Variants in MYLK4 observed in about 807,000 individuals in gnomAD.
MYLK4 encodes myosin light chain kinase family member 4, also known as caMLCK like.
Under a neutral mutation model 48.1 loss-of-function variants are expected in MYLK4, and 46 were observed. The ratio of observed to expected loss-of-function variants is 0.96; its 90% CI spans 0.75 to 1.22. MYLK4 has a LOEUF of 1.22. Among genes scored for constraint, MYLK4 ranks in the 50% most tolerant of loss-of-function variants. MYLK4 has a pLI of 0.00. For missense variants in MYLK4, 451 were observed against 486.1 expected, an observed-to-expected ratio of 0.93 and a Z score of 0.68; for synonymous variants, 170 against 180.8, an observed-to-expected ratio of 0.94 and a Z score of 0.48.
intron 2 of MYLK4, among the ~76,000 whole-genome samples, chr6:2,703,534 C>T (rs1428748662): frequency 6.6e-6 from 1 of 152,042 alleles, no homozygotes; most frequent in Non-Finnish European, 1.5e-5. Context: ...GGGTTGAAGC[C>T]CAAGGACATT....
intron 2 of MYLK4, among the ~76,000 whole-genome samples, chr6:2,728,367 G>A (rs920276264): frequency 6.6e-6 from 1 of 151,900 alleles, no homozygotes; most frequent in Non-Finnish European, 1.5e-5. Context: ...AACCACTTTT[G>A]TGTCTTTTAT....
At chr6:2,700,055 C>T (rs1762229842) in intron 2 of MYLK4, among the ~76,000 whole-genome samples, 1 of 152,172 alleles carries the variant, frequency 6.6e-6, no homozygotes, top group Admixed American at 6.5e-5. Context: ...ATCTTATACC[C>T]ATTGGATGTG....
At chr6:2,681,274 T>C (rs1761289711) in intron 7 of MYLK4, among the ~76,000 whole-genome samples, 1 of 152,142 alleles carries the variant, frequency 6.6e-6, no homozygotes, top group Admixed American at 6.5e-5. Context: ...AGATCAGAAA[T>C]TCAGAAACAC....
chr6:2,762,845 C>T, the MYLK4 span, among the ~76,000 whole-genome samples: 2 of 152,150 alleles, frequency 1.3e-5, no homozygotes, highest in African/African-American at 2.4e-5. Context: ...TTAAGTTAGC[C>T]GTTCCTGCCA....
At chr6:2,719,874 A>C (rs1290144350) in intron 2 of MYLK4, among the ~76,000 whole-genome samples, 1 of 152,234 alleles carries the variant, frequency 6.6e-6, no homozygotes, top group Non-Finnish European at 1.5e-5. Flanking sequence ...GTGGTGGCTC[A>C]CACCTGTAAT....
chr6:2,755,515 T>C (rs1764408823), upstream of MYLK4, among the ~76,000 whole-genome samples: 1 of 152,216 alleles, frequency 6.6e-6, no homozygotes, highest in South Asian at 2.1e-4. Context: ...CTTTTATCTA[T>C]TTAGGAAATG....
chr6:2,683,190 C>T, intron 6 of MYLK4, 28 bp from the exon 7 acceptor site: 1 of 1,613,654 alleles, frequency 6.2e-7, no homozygotes. Context: ...CTGAAACCCT[C>T]AGTCCCGATT....
intron 2 of MYLK4, among the ~76,000 whole-genome samples, chr6:2,714,311 C>T (rs1315883576): frequency 6.6e-6 from 1 of 152,234 alleles, no homozygotes; most frequent in African/African-American, 2.4e-5. Flanking sequence ...ACCCCCGCTT[C>T]TTAGAAAGTT....
At chr6:2,765,255 G>T in the MYLK4 span, among the ~76,000 whole-genome samples, 1 of 149,640 alleles carries the variant, frequency 6.7e-6, no homozygotes, top group Non-Finnish European at 1.5e-5. Context: ...CGGCAGCTGG[G>T]GCGAATGGCC....
chr6:2,722,512 AGTGTGTGTGTGTGTGTGT>A (rs369339405), intron 2 of MYLK4, among the ~76,000 whole-genome samples: 48 of 139,542 alleles, frequency 3.4e-4, no homozygotes, highest in Non-Finnish European at 5.9e-4. Context: ...ACATAAAAGG[AGTGTGTGTGTGTGTGTGT>A]GTGTGTGTGT....
intron 2 of MYLK4, among the ~76,000 whole-genome samples, chr6:2,733,569 G>A (rs1348950043): frequency 1.3e-5 from 2 of 152,228 alleles, no homozygotes; most frequent in African/African-American, 4.8e-5. Context: ...TGAGCTGTAA[G>A]AGGGAGGGGC....
intron 7 of MYLK4, among the ~76,000 whole-genome samples, chr6:2,681,636 T>C (rs1241803202): frequency 6.6e-6 from 1 of 152,212 alleles, no homozygotes; most frequent in Admixed American, 6.5e-5. Flanking sequence ...AGACTGTTTG[T>C]AAGTCACCTA....
In MYLK4 at chr6:2,671,031, G is replaced by A. The variant is rs541710269; in HGVS notation, c.*25+245C>T. ...CTCGGGGCTTTGCTTGAATGATCTC[G>A]TGGGAGCCACTCAACAAGCTTAGGA... On this transcript the variant is annotated intron_variant, in intron 12 of 12. Coordinates refer to ENST00000274643, the MANE Select transcript of MYLK4 (RefSeq NM_001012418.5). 2.6e-4 allele frequency among the ~76,000 whole-genome samples: 39 copies of A among 152,036 alleles called. No individual in the cohort carries two copies. The South Asian group carries it at 7.5e-3, about 29-fold the overall frequency.
chr6:2,733,572 G>T (rs1763554247), intron 2 of MYLK4, among the ~76,000 whole-genome samples: 1 of 152,146 alleles, frequency 6.6e-6, no homozygotes, highest in African/African-American at 2.4e-5. Flanking sequence ...GCTGTAAGAG[G>T]GAGGGGCAAT....
the MYLK4 span, chr6:2,770,078 G>T: frequency 6.2e-7 from 1 of 1,611,148 alleles, no homozygotes; most frequent in Non-Finnish European, 8.5e-7. Flanking sequence ...GCAGGTGGCT[G>T]TTGACTGGAA....
At chr6:2,697,001 G>A (rs1489917883) in intron 2 of MYLK4, among the ~76,000 whole-genome samples, 6 of 152,222 alleles carry the variant, frequency 3.9e-5, no homozygotes, top group Admixed American at 3.3e-4. Flanking sequence ...GGAGGTTGCC[G>A]TGAGTCAAGA....
the MYLK4 span, among the ~76,000 whole-genome samples, chr6:2,763,544 G>C: frequency 4.6e-5 from 7 of 152,354 alleles, no homozygotes; most frequent in South Asian, 6.2e-4. Context: ...TGGGCCGGTG[G>C]TGCAGGCCGC....
chr6:2,711,710 G>A (rs1762679864), intron 2 of MYLK4, among the ~76,000 whole-genome samples: 1 of 152,070 alleles, frequency 6.6e-6, no homozygotes, highest in Admixed American at 6.5e-5. Context: ...AAGATGTTTT[G>A]GAAAGGCATC....
chr6:2,718,179 C>CA lies in MYLK4; in HGVS notation c.160-25321dup, dbSNP rs10590230. 9.7e-3 allele frequency among the ~76,000 whole-genome samples: 1,293 copies of CA among 132,928 alleles called. 9 individuals carry two copies. The highest frequency in any genetic ancestry group is 0.032 in the African/African-American group (1,128 of 35,648). The allele number at this position is 132,928 out of a possible 152,430, so 87.2% of individuals were successfully genotyped here. A position where few individuals can be genotyped will look rare whatever the true frequency, so the allele number is the denominator to read the frequency against. On this transcript the variant is annotated intron_variant, in intron 2 of 12. Transcript: ENST00000274643. The stretch of plus-strand genomic sequence containing the variant: ...TGGTCAACAGAGTGAAACTCTGTCT[C>CA]AAAAAAAAAAAAAAAAAAAAAAGAA...
Sources: allele counts gnomAD v4.1 joint callset (sites outside exome capture counted in the v4.1 genomes callset), GRCh38; gene constraint gnomAD v4.1.1; transcripts MANE v1.5; gene names NCBI Gene and HGNC (gene_info 2026-07-23, HGNC 2026-07-21).